TCF3: variants seen among roughly 807,000 people sequenced by gnomAD.
The protein encoded by TCF3 is transcription factor E2-alpha.
TCF3 carries 54 observed loss-of-function variants against 72.3 expected under a neutral mutation model. That is an observed-to-expected ratio of 0.75 (90% confidence interval 0.60 to 0.94). TCF3 has a LOEUF of 0.94. Ranked by LOEUF, TCF3 falls within the 40% of genes least tolerant of loss-of-function variation. The pLI is 0.00. For synonymous variants in TCF3, 525 were observed against 412.6 expected, an observed-to-expected ratio of 1.27 and a Z score of -3.30; for missense variants, 1,078 against 934.4, an observed-to-expected ratio of 1.15 and a Z score of -2.00.
In TCF3 at chr19:1,622,172, C is replaced by A; in HGVS notation, c.704G>T (p.Gly235Val). The A allele has an allele frequency of 3.2e-6, 5 of 1,569,534 alleles. No individual in the cohort carries two copies. The highest frequency in any genetic ancestry group is 2.7e-5 in the African/African-American group (2 of 74,200). Residue 235 changes from glycine (G) to valine (V), a missense_variant, in exon 10 of 19, where the codon GGC becomes GTC. Gly to Val is a moderately radical substitution (Grantham distance 109, BLOSUM62 -3). Transcript: ENST00000262965. The stretch of plus-strand genomic sequence containing the variant: ...GCCCCCACCCAGCATGGGCCCGAAG[C>A]CCGCCTGGCCCGGGGGACTCCAGAG... ...AELWSPPGQA[G>V]FGPMLGGGSS...
In TCF3 at chr19:1,632,115, G is replaced by T. The variant is rs1482501016; in HGVS notation, c.221C>A (p.Thr74Asn). 1 of 1,612,650 alleles carries T rather than the reference G, an allele frequency of 6.2e-7. No individual in the cohort carries two copies. Among genetic ancestry groups the T allele is most frequent in the Non-Finnish European group, 8.5e-7 (1 of 1,179,496 alleles). The change falls in exon 5 of 19, where the codon ACC becomes AAC. Residue 74 changes from threonine to asparagine, a missense_variant and splice_region_variant. Transcript: ENST00000262965. ...AGTGAAGTGGGTGCCCTCGCTGAAG[G>T]TCTAGGGGAGATGGGGTGGGGATGA... is the stretch of plus-strand genomic sequence containing the variant. ...QSSSSFDPSR[T>N]FSEGTHFTES...
At chr19:1,611,928 GTC>G in intron 18 of TCF3, 79 bp from the exon 19 acceptor site, 1 of 216,792 alleles carries the variant, frequency 4.6e-6, no homozygotes, top group Non-Finnish European at 8.9e-6. Flanking sequence ...GGGGTAGGAT[GTC>G]GGGGGGGGGG....
At chr19:1,611,932 G>GC (rs1555711580) in intron 18 of TCF3, 83 bp from the exon 19 acceptor site, 47 of 190,554 alleles carry the variant, frequency 2.5e-4, no homozygotes, top group African/African-American at 1.3e-3. Flanking sequence ...TAGGATGTCG[G>GC]GGGGGGGGGT....
At position 1,622,167 on chromosome 19, in the gene TCF3, C is replaced by A. The variant is rs916613545; in HGVS notation, c.709G>T (p.Gly237Trp). Residue 237 changes from glycine (G) to tryptophan (W), a missense_variant, in exon 10 of 19, where the codon GGG (glycine) becomes TGG (tryptophan). Coordinates refer to ENST00000262965, the MANE Select transcript of TCF3 (RefSeq NM_003200.5). ...LWSPPGQAGF[G>W]PMLGGGSSPL... ...GATGAGCCCCCACCCAGCATGGGCC[C>A]GAAGCCCGCCTGGCCCGGGGGACTC... The A allele has an allele frequency of 1.9e-6, 3 of 1,572,944 alleles. No homozygotes were observed. Among genetic ancestry groups the A allele is most frequent in the Non-Finnish European group, 2.6e-6 (3 of 1,161,814 alleles).
chr19:1,615,388 C>T lies in TCF3; in HGVS notation c.1719G>A (p.Gly573=), dbSNP rs746687177. The T allele has an allele frequency of 1.2e-6, 2 of 1,614,082 alleles. No individual in the cohort carries two copies. The highest frequency in any genetic ancestry group is 1.7e-5 in the Admixed American group (1 of 60,020). ...RDINEAFKEL[G]RMCQLHLNSE... is the part of the protein sequence containing the mutation. Reference sequence around the variant, plus strand: ...TGTTGAGGTGCAGTTGGCACATGCGCCCCAGCTCCTTAAAGGCCTCGTTGA... The same window carrying T: ...TGTTGAGGTGCAGTTGGCACATGCGTCCCAGCTCCTTAAAGGCCTCGTTGA... Residue 573 remains glycine (G), a synonymous_variant, in exon 18 of 19, where the codon GGG becomes GGA. Transcript: ENST00000262965. The surrounding 1 kb of genome is among the most constrained non-coding windows in gnomAD (Gnocchi z 7.3).
At chr19:1,629,039 C>CA (rs775980901) in intron 5 of TCF3, among the ~76,000 whole-genome samples, 3 of 28,232 alleles carry the variant, frequency 1.1e-4, no homozygotes, top group African/African-American at 4.5e-4. Flanking sequence ...GCAGAGCTCA[C>CA]GGGGTGAGGC....
At chr19:1,632,442 A>C in intron 3 of TCF3, 37 bp from the exon 4 acceptor site, 1 of 1,549,124 alleles carries the variant, frequency 6.5e-7, no homozygotes, top group South Asian at 1.2e-5. Flanking sequence ...GGTCACCCTC[A>C]CGCCTGCCCA....
intron 3 of TCF3, among the ~76,000 whole-genome samples, chr19:1,642,842 G>A (rs1261841624): frequency 6.6e-6 from 1 of 152,204 alleles, no homozygotes. Context: ...CGCACCCGGA[G>A]GAAATGACCC....
At chr19:1,640,194 A>G (rs2065036456) in intron 3 of TCF3, among the ~76,000 whole-genome samples, 1 of 152,126 alleles carries the variant, frequency 6.6e-6, no homozygotes, top group South Asian at 2.1e-4. Context: ...CTGGAATCCC[A>G]GCACTTTTGG....
chr19:1,644,774 G>A (rs1342409592), intron 3 of TCF3, among the ~76,000 whole-genome samples: 1 of 152,146 alleles, frequency 6.6e-6, no homozygotes, highest in African/African-American at 2.4e-5. Context: ...GGGGGTGAGA[G>A]GCGACAGGGG....
chr19:1,639,751 G>GAAAAAAAAA (rs10674333), intron 3 of TCF3, among the ~76,000 whole-genome samples: 19 of 54,146 alleles, frequency 3.5e-4, no homozygotes, highest in Non-Finnish European at 5.1e-4. Context: ...AGGAAATTAG[G>GAAAAAAAAA]AAAAAAAAAA....
Position 1,619,490 on chromosome 19 carries a change from A to C in TCF3, c.1168-16T>G. 7.5e-7 allele frequency: 1 copy of C among 1,339,988 alleles called. No individual in the cohort carries two copies. The highest frequency in any genetic ancestry group is 1.0e-6 in the Non-Finnish European group (1 of 959,066). The allele number at this position is 1,339,988 out of a possible 1,614,324, so 83.0% of individuals were successfully genotyped here. Reference sequence around the variant, plus strand: ...TCTTACTCTGCTGCAGGGTGGGGGGATGGGTGGTGAGGGGCCCAAGCCGAG... The same window carrying C: ...TCTTACTCTGCTGCAGGGTGGGGGGCTGGGTGGTGAGGGGCCCAAGCCGAG... On this transcript the variant is annotated splice_polypyrimidine_tract_variant and intron_variant, in intron 14 of 18. Transcript: ENST00000262965.
At chr19:1,627,299 G>A (rs2063004226) in intron 6 of TCF3, 60 bp downstream of exon 6, 3 of 1,437,192 alleles carry the variant, frequency 2.1e-6, no homozygotes, top group Non-Finnish European at 2.9e-6. Flanking sequence ...AGATCAGAGA[G>A]GGTGGGTGAC....
rs2060941303 is a variant in TCF3, at chr19:1,610,940, C to CGTG, written c.*766_*767insCAC. On this transcript the variant is annotated 3_prime_UTR_variant, in exon 19 of 19. Transcript: ENST00000262965. ...AGTGGCTTCCGGGGGGGGGGGGGGA[C>CGTG]GGGGGGGCTCAGGTTTACACGGGGT... 1 of 46,468 alleles carries CGTG rather than the reference C, an allele frequency of 2.2e-5. No individual in the cohort carries two copies. The highest frequency in any genetic ancestry group is 4.1e-5 in the Non-Finnish European group (1 of 24,308). The allele number at this position is 46,468 out of a possible 1,614,324, so 2.9% of individuals were successfully genotyped here.
chr19:1,634,757 G>A (rs2064172413), intron 3 of TCF3, among the ~76,000 whole-genome samples: 1 of 152,194 alleles, frequency 6.6e-6, no homozygotes, highest in Non-Finnish European at 1.5e-5. Flanking sequence ...TCTGCAGCAG[G>A]GATCTGCAAA....
chr19:1,615,208 CG>C lies in TCF3; in HGVS notation c.1822+76del. The C allele has an allele frequency of 6.7e-7, 1 of 1,487,090 alleles. No homozygotes were observed. The allele number at this position is 1,487,090 out of a possible 1,614,324, so 92.1% of individuals were successfully genotyped here. A position where few individuals can be genotyped will look rare whatever the true frequency, so the allele number is the denominator to read the frequency against. On this transcript the variant is annotated intron_variant, in intron 18 of 18. Transcript: ENST00000262965. The surrounding 1 kb of genome is among the most constrained non-coding windows in gnomAD (Gnocchi z 7.3). ...GGAGGGCTGGCTCCAGGAAGGCGGGCGGGGAAGGAGAACGAGGGCAGGAACA... is the reference window on the plus strand; with the variant it reads ...GGAGGGCTGGCTCCAGGAAGGCGGGCGGGAAGGAGAACGAGGGCAGGAACA...
Position 1,611,582 on chromosome 19 carries a change from T to C in TCF3, c.*125A>G. The C allele has an allele frequency of 7.4e-7, 1 of 1,354,882 alleles. No homozygotes were observed. Among genetic ancestry groups the C allele is most frequent in the South Asian group, 1.5e-5 (1 of 67,942 alleles). The allele number at this position is 1,354,882 out of a possible 1,614,324, so 83.9% of individuals were successfully genotyped here. ...ACTCCGAACCTTGTCAGGTTGGTGTTGGCTCGATGCTGACAACAGGTGTGT... is the reference window on the plus strand; with the variant it reads ...ACTCCGAACCTTGTCAGGTTGGTGTCGGCTCGATGCTGACAACAGGTGTGT... On this transcript the variant is annotated 3_prime_UTR_variant, in exon 19 of 19. Transcript: ENST00000262965.
At chr19:1,616,941 G>A (rs905159627) in intron 16 of TCF3, among the ~76,000 whole-genome samples, 2 of 152,046 alleles carry the variant, frequency 1.3e-5, no homozygotes, top group South Asian at 2.1e-4. Context: ...CAATGGGAAA[G>A]GACAAAAAGA....
intron 3 of TCF3, among the ~76,000 whole-genome samples, chr19:1,641,771 T>C (rs1044968082): frequency 6.6e-6 from 1 of 152,072 alleles, no homozygotes; most frequent in African/African-American, 2.4e-5. Flanking sequence ...TCTTTTTTTT[T>C]AAACAGAGAC....
Sources: allele counts gnomAD v4.1 joint callset (sites outside exome capture counted in the v4.1 genomes callset), GRCh38; gene constraint gnomAD v4.1.1; non-coding constraint Gnocchi (gnomAD v3.1); transcripts MANE v1.5; gene names NCBI Gene and HGNC (gene_info 2026-07-23, HGNC 2026-07-21).